The following WDR76 variants were observed in gnomAD, a reference collection of about 807,000 sequenced individuals.
WDR76 encodes the protein WD repeat domain 76.
In WDR76, 52 loss-of-function variants were observed where a neutral mutation model predicts 70.2. The ratio of observed to expected loss-of-function variants is 0.74; its 90% CI spans 0.59 to 0.93. WDR76 has a LOEUF of 0.93. Ranked by LOEUF, WDR76 falls within the 40% of genes least tolerant of loss-of-function variation. The pLI, the probability that WDR76 is intolerant of heterozygous loss-of-function variation, is 0.00. For missense variants in WDR76, 756 were observed against 760.2 expected (o/e 0.99, Z 0.07); for synonymous variants, 292 against 271.1 (o/e 1.08, Z -0.76).
chr15:43,851,613 T>C (rs1354969961), intron 9 of WDR76, among the ~76,000 whole-genome samples: 2 of 152,112 alleles, frequency 1.3e-5, no homozygotes, highest in African/African-American at 4.8e-5. Context: ...TTAACTAAAA[T>C]AACTTACTCT....
At position 43,836,227 on chromosome 15, in the gene WDR76, T is replaced by A. The variant is rs2087654833; in HGVS notation, c.608+11T>A. The A allele has an allele frequency of 8.7e-6, 14 of 1,607,616 alleles. No homozygotes were observed. Among genetic ancestry groups the A allele is most frequent in the Non-Finnish European group, 1.2e-5 (14 of 1,177,148 alleles). On this transcript the variant is annotated intron_variant, in intron 4 of 12. Coordinates refer to ENST00000263795, the MANE Select transcript of WDR76 (RefSeq NM_024908.4). ...TCCTAAATCCAAAAGGTAAAATATC[T>A]AGTTTGCAATGCCTGAACCATGATA...
chr15:43,830,186 T>G (rs532463602), intron 2 of WDR76, among the ~76,000 whole-genome samples: 85 of 151,784 alleles, frequency 5.6e-4, no homozygotes, highest in Non-Finnish European at 1.1e-3. Context: ...TATTTAACAG[T>G]TTCCTAGAGA....
chr15:43,830,308 A>G (rs911754949), intron 2 of WDR76, among the ~76,000 whole-genome samples: 4 of 151,824 alleles, frequency 2.6e-5, no homozygotes, highest in Admixed American at 2.0e-4. Context: ...CACGCCTGTA[A>G]TCCCAGCACC....
At chr15:43,844,141 A>G (rs762132419) in intron 8 of WDR76, 87 bp downstream of exon 8, 5 of 1,249,048 alleles carry the variant, frequency 4.0e-6, no homozygotes, top group South Asian at 2.3e-5. Context: ...GTGTTTATAA[A>G]TGTTGCGTGA....
At chr15:43,827,928 G>A in intron 1 of WDR76, 37 bp from the exon 2 acceptor site, 1 of 1,542,708 alleles carries the variant, frequency 6.5e-7, no homozygotes, top group Non-Finnish European at 8.7e-7. Flanking sequence ...AGGACTTGGA[G>A]TTCTAATATT....
chr15:43,842,860 C>T (rs989211508), intron 7 of WDR76, among the ~76,000 whole-genome samples, 189 bp downstream of exon 7: 32 of 152,060 alleles, frequency 2.1e-4, no homozygotes, highest in Non-Finnish European at 4.6e-4. Context: ...ATATACAATA[C>T]CACTAGGATA....
In WDR76 at chr15:43,851,154, A is replaced by T; in HGVS notation, c.1100A>T (p.Tyr367Phe). Residue 367 changes from tyrosine to phenylalanine, a missense_variant, in exon 9 of 13, where the codon TAC (tyrosine) becomes TTC (phenylalanine). Tyr to Phe is a conservative substitution (Grantham distance 22). Coordinates refer to ENST00000263795, the MANE Select transcript of WDR76 (RefSeq NM_024908.4). ...CATAGTCAGCCAGTTAGCTGTCTTT[A>T]CTTCTCACCCGCCAATCCGGCCCAC... ...HPHSQPVSCLYFSPANPAHIL... is the reference protein window; with the variant it reads ...HPHSQPVSCLFFSPANPAHIL... The T allele has an allele frequency of 1.2e-6, 2 of 1,614,062 alleles. No individual in the cohort carries two copies. The highest frequency in any genetic ancestry group is 1.7e-6 in the Non-Finnish European group (2 of 1,180,004).
intron 1 of WDR76, 126 bp downstream of exon 1, chr15:43,827,218 A>AGGCC: frequency 8.7e-7 from 1 of 1,155,572 alleles, no homozygotes; most frequent in Non-Finnish European, 1.3e-6. Context: ...CCCTGCCCTT[A>AGGCC]GGCCTTCAGC....
In WDR76 at chr15:43,828,289, G is replaced by T. The variant is rs753285676; in HGVS notation, c.385G>T (p.Ala129Ser). Residue 129 changes from alanine to serine, a missense_variant, in exon 2 of 13, where the codon GCA becomes TCA. Transcript: ENST00000263795. ...TAACAAGCTACAACCCAAGAGAACG[G>T]CAGATGCGATGAATCTCAGTGTTGA... is the stretch of plus-strand genomic sequence containing the variant. Reference protein sequence around the residue: ...ESNKLQPKRTADAMNLSVDVE... With the variant: ...ESNKLQPKRTSDAMNLSVDVE... 1 of 1,614,136 alleles carries T rather than the reference G, an allele frequency of 6.2e-7. No homozygotes were observed. The highest frequency in any genetic ancestry group is 1.7e-5 in the Admixed American group (1 of 60,008).
At chr15:43,831,475 A>G (rs550415698) in intron 2 of WDR76, among the ~76,000 whole-genome samples, 33 of 150,960 alleles carry the variant, frequency 2.2e-4, no homozygotes, top group Admixed American at 9.2e-4. Context: ...GTCTCACTCT[A>G]TTACCCAGGA....
chr15:43,834,143 C>T (rs558734292), intron 2 of WDR76, among the ~76,000 whole-genome samples: 2 of 151,928 alleles, frequency 1.3e-5, no homozygotes, highest in Admixed American at 6.6e-5. Flanking sequence ...TCTTTTCTTA[C>T]AGTATTTTGC....
intron 2 of WDR76, among the ~76,000 whole-genome samples, chr15:43,834,503 G>T (rs1171618388): frequency 2.7e-5 from 4 of 150,516 alleles, no homozygotes; most frequent in Admixed American, 1.3e-4. Flanking sequence ...GTTGAGACAG[G>T]ATTTCACCAT....
chr15:43,831,219 A>C (rs1289625892), intron 2 of WDR76, among the ~76,000 whole-genome samples: 2 of 152,074 alleles, frequency 1.3e-5, no homozygotes, highest in Admixed American at 6.6e-5. Context: ...TGACAGAGCA[A>C]GACTCTTGTT....
chr15:43,851,792 G>A (rs1316215425), intron 9 of WDR76, among the ~76,000 whole-genome samples: 1 of 152,156 alleles, frequency 6.6e-6, no homozygotes, highest in Non-Finnish European at 1.5e-5. Context: ...AATATTAGCT[G>A]AGCTTGGTGG....
At chr15:43,843,729 T>C (rs1257394041) in intron 7 of WDR76, among the ~76,000 whole-genome samples, 172 bp from the exon 8 acceptor site, 5 of 152,202 alleles carry the variant, frequency 3.3e-5, no homozygotes, top group Non-Finnish European at 4.4e-5. Context: ...TTATCAAGGG[T>C]AATTTAAAAA....
intron 8 of WDR76, among the ~76,000 whole-genome samples, chr15:43,844,927 A>T (rs1432934174): frequency 8.1e-5 from 1 of 12,292 alleles, no homozygotes; most frequent in African/African-American, 1.8e-4. Context: ...GACTCTGTGT[A>T]AAAAAAAAAA....
intron 1 of WDR76, 173 bp downstream of exon 1, chr15:43,827,265 G>T: frequency 1.4e-6 from 1 of 723,688 alleles, no homozygotes. Flanking sequence ...CCGAGAAATA[G>T]TGGGAGAGTC....
At chr15:43,847,621 C>T (rs1311813486) in intron 8 of WDR76, among the ~76,000 whole-genome samples, 1 of 152,082 alleles carries the variant, frequency 6.6e-6, no homozygotes, top group East Asian at 1.9e-4. Flanking sequence ...TGGGGTTTCA[C>T]CATCTTGGCC....
intron 12 of WDR76, among the ~76,000 whole-genome samples, chr15:43,864,327 C>T (rs1476711217): frequency 1.3e-5 from 2 of 152,088 alleles, no homozygotes; most frequent in Non-Finnish European, 2.9e-5. Context: ...TGAGGAACCT[C>T]ATACTGTTTT....
Sources: allele counts gnomAD v4.1 joint callset (sites outside exome capture counted in the v4.1 genomes callset), GRCh38; gene constraint gnomAD v4.1.1; transcripts MANE v1.5; gene names NCBI Gene and HGNC (gene_info 2026-07-23, HGNC 2026-07-21).